Variants in CHCHD3 observed in about 807,000 individuals in gnomAD.
The protein encoded by CHCHD3 is MICOS complex subunit MIC19.
A neutral mutation model predicts 38.2 loss-of-function variants in CHCHD3; 20 were observed. That is an observed-to-expected ratio of 0.52 (90% CI 0.37 to 0.76). CHCHD3 has a LOEUF of 0.76. Ranked by LOEUF, CHCHD3 falls within the 30% of genes least tolerant of loss-of-function variation. CHCHD3 has a pLI of 0.00. For synonymous variants in CHCHD3, 82 were observed against 100.0 expected (o/e 0.82, Z 1.07); for missense variants, 245 against 279.2 (o/e 0.88, Z 0.87).
intron 3 of CHCHD3, among the ~76,000 whole-genome samples, chr7:132,997,659 TAAAAAAAAAAAAAAA>T (rs71178073): frequency 3.3e-4 from 27 of 81,774 alleles, no homozygotes; most frequent in Admixed American, 5.7e-4. Context: ...AACAGGGTTG[TAAAAAAAAAAAAAAA>T]AAAAAAAAAA....
intron 3 of CHCHD3, chr7:133,022,434 A>G (rs1813209386): frequency 4.4e-6 from 2 of 456,624 alleles, no homozygotes; most frequent in East Asian, 1.4e-4. Context: ...TGTGACTCCA[A>G]AAAGTTGCTG....
At chr7:133,015,334 C>T (rs936842072) in intron 3 of CHCHD3, among the ~76,000 whole-genome samples, 1 of 138,060 alleles carries the variant, frequency 7.2e-6, no homozygotes, top group African/African-American at 2.6e-5. Context: ...CAGAGCCAGA[C>T]AACGTCTCAA....
Position 133,035,289 on chromosome 7 carries a change from T to A in CHCHD3, c.170-10662A>T. ...TTTAGCATCAAACTGGGCCATCTTC[T>A]CACACAGTTTCAGTTCCCCCAAGAC... is the stretch of plus-strand genomic sequence containing the variant. On this transcript the variant is annotated intron_variant, in intron 2 of 7. Transcript: ENST00000262570. The surrounding 1 kb of genome is among the most constrained non-coding windows in gnomAD (Gnocchi z 4.7). 4 of 1,612,492 alleles carry A rather than the reference T, an allele frequency of 2.5e-6. No homozygotes were observed. The highest frequency in any genetic ancestry group is 2.5e-6 in the Non-Finnish European group (3 of 1,178,584).
chr7:132,911,272 C>G (rs1326836239), intron 4 of CHCHD3, among the ~76,000 whole-genome samples: 1 of 152,080 alleles, frequency 6.6e-6, no homozygotes, highest in Non-Finnish European at 1.5e-5. Flanking sequence ...AAGGAAGTAG[C>G]CATGAGATGA....
chr7:132,932,776 G>A (rs1033110727), intron 4 of CHCHD3, among the ~76,000 whole-genome samples: 2 of 152,054 alleles, frequency 1.3e-5, no homozygotes, highest in Admixed American at 1.3e-4. Flanking sequence ...TTTTCCACCT[G>A]AGCTCCTCTT....
At chr7:132,966,989 A>C (rs1811481619) in intron 4 of CHCHD3, among the ~76,000 whole-genome samples, 1 of 152,196 alleles carries the variant, frequency 6.6e-6, no homozygotes, top group African/African-American at 2.4e-5. Flanking sequence ...TGGAATTATA[A>C]CCAGCCCTTT....
intron 3 of CHCHD3, among the ~76,000 whole-genome samples, chr7:132,997,688 A>AAAAAC (rs1554399142): frequency 6.8e-6 from 1 of 147,622 alleles, no homozygotes; most frequent in African/African-American, 2.5e-5. Context: ...AAAAAAAAAA[A>AAAAAC]CAGCAAGAGA....
chr7:132,967,666 TA>T (rs554403961), intron 4 of CHCHD3, among the ~76,000 whole-genome samples: 2 of 135,050 alleles, frequency 1.5e-5, no homozygotes, highest in East Asian at 2.1e-4. Context: ...AATAAATAAA[TA>T]AAATAAAACA....
chr7:132,892,216 G>C (rs1186828250), intron 4 of CHCHD3, among the ~76,000 whole-genome samples: 1 of 152,198 alleles, frequency 6.6e-6, no homozygotes, highest in Non-Finnish European at 1.5e-5. Flanking sequence ...CTTGTTGAAC[G>C]GTTTTGACCA....
intron 5 of CHCHD3, among the ~76,000 whole-genome samples, chr7:132,861,557 C>T (rs934713412): frequency 2.6e-4 from 39 of 152,160 alleles, no homozygotes; most frequent in African/African-American, 8.9e-4. Context: ...ATCAATTATC[C>T]TCAGGAACTT....
intron 5 of CHCHD3, among the ~76,000 whole-genome samples, chr7:132,876,225 G>A (rs909165218): frequency 3.9e-5 from 6 of 152,140 alleles, no homozygotes; most frequent in Non-Finnish European, 8.8e-5. Context: ...CTTTGAAATT[G>A]GATGTGAAGA....
At chr7:133,042,533 G>A (rs1382859951) in intron 2 of CHCHD3, among the ~76,000 whole-genome samples, 1 of 152,198 alleles carries the variant, frequency 6.6e-6, no homozygotes, top group Non-Finnish European at 1.5e-5. Flanking sequence ...ACTCTGCGAT[G>A]ACACAGGGGA....
At chr7:132,949,827 A>AT (rs1810995452) in intron 4 of CHCHD3, among the ~76,000 whole-genome samples, 1 of 152,172 alleles carries the variant, frequency 6.6e-6, no homozygotes, top group African/African-American at 2.4e-5. Flanking sequence ...TATGAAAATT[A>AT]TAATATTGGT....
At chr7:132,984,014 C>T (rs994131529) in intron 3 of CHCHD3, among the ~76,000 whole-genome samples, 1 of 151,884 alleles carries the variant, frequency 6.6e-6, no homozygotes, top group African/African-American at 2.4e-5. Flanking sequence ...CTCCCTCTCC[C>T]CACGGTCTCC....
chr7:132,941,088 G>C (rs2117270552), intron 4 of CHCHD3, among the ~76,000 whole-genome samples: 1 of 152,172 alleles, frequency 6.6e-6, no homozygotes, highest in Non-Finnish European at 1.5e-5. Context: ...ACCCACTAAA[G>C]CATTATGATC....
At chr7:133,011,072 A>G (rs1352590551) in intron 3 of CHCHD3, among the ~76,000 whole-genome samples, 1 of 152,188 alleles carries the variant, frequency 6.6e-6, no homozygotes, top group Non-Finnish European at 1.5e-5. Context: ...CAGCCATGCA[A>G]AATATGAAGT....
At chr7:132,921,279 A>C (rs1810255358) in intron 4 of CHCHD3, among the ~76,000 whole-genome samples, 1 of 152,178 alleles carries the variant, frequency 6.6e-6, no homozygotes. Context: ...TAATTTTATA[A>C]ATTTCTCTCT....
chr7:132,860,302 TAGAGAGAGAGAGAA>T (rs1438613652), intron 5 of CHCHD3, among the ~76,000 whole-genome samples: 6 of 116,526 alleles, frequency 5.1e-5, no homozygotes, highest in South Asian at 2.7e-4. Context: ...GATAGATAGA[TAGAGAGAGAGAGAA>T]AGAGAGAGAG....
At chr7:132,862,738 T>C (rs1451769821) in intron 5 of CHCHD3, among the ~76,000 whole-genome samples, 6 of 152,228 alleles carry the variant, frequency 3.9e-5, no homozygotes, top group Non-Finnish European at 5.9e-5. Context: ...GCTTTACCAA[T>C]TAAGTTCATG....
Sources: gnomAD v4.1 joint callset for allele counts (sites outside exome capture counted in the v4.1 genomes callset) on GRCh38, gnomAD v4.1.1 for gene constraint, Gnocchi (gnomAD v3.1) non-coding constraint, MANE v1.5 for transcripts, NCBI Gene and HGNC (gene_info 2026-07-23, HGNC 2026-07-21) for gene names.